ZNF618: variants seen among roughly 807,000 people sequenced by gnomAD.
The protein encoded by ZNF618 is zinc finger protein 618.
A neutral mutation model predicts 103.0 loss-of-function variants in ZNF618; 34 were observed. The observed-to-expected ratio is 0.33, with a 90% CI of 0.25 to 0.44. The LOEUF (loss-of-function observed/expected upper bound fraction) is 0.44. Ranked by LOEUF, ZNF618 falls within the 20% of genes least tolerant of loss-of-function variation. The pLI, the probability that ZNF618 is intolerant of heterozygous loss-of-function variation, is 1.00. For missense variants in ZNF618, 1,059 were observed against 1,295.4 expected, an observed-to-expected ratio of 0.82 and a Z score of 2.80; for synonymous variants, 551 against 542.2, an observed-to-expected ratio of 1.02 and a Z score of -0.23.
chr9:114,008,580 A>C, intron 9 of ZNF618, 26 bp downstream of exon 9: 1 of 1,612,392 alleles, frequency 6.2e-7, no homozygotes, highest in South Asian at 1.1e-5. Context: ...TCTGGGGCCA[A>C]GGGCTGGGTG....
intron 1 of ZNF618, among the ~76,000 whole-genome samples, chr9:113,931,588 C>T (rs1015392792): frequency 1.3e-5 from 2 of 152,092 alleles, no homozygotes; most frequent in African/African-American, 4.8e-5. Context: ...ATCAGGCTCA[C>T]GTTTTAGATT....
chr9:114,012,521 A>T (rs1842343821), intron 9 of ZNF618, among the ~76,000 whole-genome samples: 2 of 152,190 alleles, frequency 1.3e-5, no homozygotes, highest in South Asian at 4.1e-4. Flanking sequence ...GAATTTGAGG[A>T]TGGGGACACA....
In ZNF618 at chr9:113,951,551, A is replaced by G. The variant is rs545071137; in HGVS notation, c.34-17566A>G. Among the ~76,000 whole-genome samples, 43 of 51,234 alleles carry G rather than the reference A, an allele frequency of 8.4e-4. 12 individuals are homozygous for G. The highest frequency in any genetic ancestry group is 2.4e-3 in the African/African-American group (43 of 17,924). 33.6% of individuals were successfully genotyped at this position (51,234 alleles called of 152,430 possible). On this transcript the variant is annotated intron_variant, in intron 1 of 14. Coordinates refer to ENST00000374126, the MANE Select transcript of ZNF618 (RefSeq NM_001318042.2). ...CATATGTGTGTACATATGTACACAT[A>G]TGTGTGTGTATATGTGTGTGTGTAT...
intron 1 of ZNF618, among the ~76,000 whole-genome samples, chr9:113,910,287 T>C (rs1012118178): frequency 1.3e-5 from 2 of 152,124 alleles, no homozygotes; most frequent in African/African-American, 4.8e-5. Context: ...GGCCTCTAAG[T>C]AGGGGAGCCT....
At chr9:113,931,482 G>A (rs544556386) in intron 1 of ZNF618, among the ~76,000 whole-genome samples, 5 of 152,144 alleles carry the variant, frequency 3.3e-5, no homozygotes, top group Non-Finnish European at 7.3e-5. Context: ...TGAGGCTTGC[G>A]ACTCCAGATG....
chr9:113,973,162 G>T (rs1003561174), intron 2 of ZNF618, among the ~76,000 whole-genome samples: 4 of 152,192 alleles, frequency 2.6e-5, no homozygotes, highest in Non-Finnish European at 5.9e-5. Flanking sequence ...ATTTAGATGG[G>T]TAGACACTTT....
chr9:114,044,844 G>A (rs1184769724), intron 13 of ZNF618, among the ~76,000 whole-genome samples: 1 of 151,724 alleles, frequency 6.6e-6, no homozygotes, highest in Non-Finnish European at 1.5e-5. Flanking sequence ...GGCAACTTTT[G>A]TAAAAGGGGT....
At chr9:113,964,690 T>G (rs975116378) in intron 1 of ZNF618, among the ~76,000 whole-genome samples, 8 of 151,034 alleles carry the variant, frequency 5.3e-5, no homozygotes, top group Admixed American at 2.0e-4. Context: ...CTTGTGAGAA[T>G]TAAAACCAAA....
chr9:114,021,593 A>G (rs1843069130), intron 10 of ZNF618, among the ~76,000 whole-genome samples: 1 of 152,200 alleles, frequency 6.6e-6, no homozygotes, highest in South Asian at 2.1e-4. Context: ...ATATTGTCAT[A>G]TAATAAAGTG....
intron 6 of ZNF618, among the ~76,000 whole-genome samples, chr9:114,003,021 G>C (rs926320709): frequency 6.6e-6 from 1 of 152,218 alleles, no homozygotes; most frequent in Non-Finnish European, 1.5e-5. Context: ...TCTCCCATGG[G>C]TGCCCTGGAT....
intron 10 of ZNF618, among the ~76,000 whole-genome samples, chr9:114,022,251 G>T (rs576664806): frequency 6.6e-6 from 1 of 151,820 alleles, no homozygotes; most frequent in Admixed American, 6.6e-5. Context: ...TTCTCGTCTC[G>T]TTGGGTATCA....
chr9:113,999,408 C>T (rs60401186), intron 4 of ZNF618, among the ~76,000 whole-genome samples: 5,120 of 152,222 alleles, frequency 0.034, 282 homozygotes, highest in African/African-American at 0.11. Flanking sequence ...GCATGAGGGG[C>T]AGGCTCAGGG....
intron 1 of ZNF618, among the ~76,000 whole-genome samples, chr9:113,954,742 C>T (rs1413390692): frequency 1.3e-5 from 2 of 152,166 alleles, no homozygotes; most frequent in Non-Finnish European, 2.9e-5. Context: ...GATTGCATTT[C>T]CTAGGTGCTC....
intron 1 of ZNF618, among the ~76,000 whole-genome samples, chr9:113,923,131 A>C (rs1588052509): frequency 6.6e-6 from 1 of 152,244 alleles, no homozygotes; most frequent in South Asian, 2.1e-4. Flanking sequence ...AAAGCAATTG[A>C]CTCTAGTATC....
intron 2 of ZNF618, among the ~76,000 whole-genome samples, chr9:113,973,787 T>C (rs1172021978): frequency 1.3e-5 from 2 of 152,214 alleles, no homozygotes; most frequent in Admixed American, 6.5e-5. Context: ...TATTTTTCTT[T>C]TGTCAGCTGA....
intron 10 of ZNF618, among the ~76,000 whole-genome samples, chr9:114,019,654 T>C (rs1220476424): frequency 4.6e-5 from 7 of 152,260 alleles, no homozygotes; most frequent in East Asian, 1.9e-4. Context: ...GGAAATTGTC[T>C]CTTTAGGTCT....
chr9:113,955,146 C>CTCTTTT (rs1330686164), intron 1 of ZNF618, among the ~76,000 whole-genome samples: 13 of 130,548 alleles, frequency 1.0e-4, no homozygotes, highest in African/African-American at 3.6e-4. Flanking sequence ...AGTGACTTCT[C>CTCTTTT]TTTTTTTTTT....
chr9:114,016,828 G>C, intron 10 of ZNF618, 44 bp downstream of exon 10: 1 of 1,525,110 alleles, frequency 6.6e-7, no homozygotes. Flanking sequence ...GGGGACCCGG[G>C]ACAGGGTGGG....
intron 1 of ZNF618, among the ~76,000 whole-genome samples, chr9:113,879,703 T>C (rs763296569): frequency 1.3e-5 from 2 of 152,052 alleles, no homozygotes; most frequent in African/African-American, 2.4e-5. Context: ...GGCTGAATTA[T>C]TTTGGCGAAA....
Sources: gnomAD v4.1 joint callset for allele counts (sites outside exome capture counted in the v4.1 genomes callset) on GRCh38, gnomAD v4.1.1 for gene constraint, MANE v1.5 for transcripts, NCBI Gene and HGNC (gene_info 2026-07-23, HGNC 2026-07-21) for gene names.